The following NACC2 variants were observed in gnomAD, a reference collection of about 807,000 sequenced individuals.
NACC2 encodes NACC family member 2.
A neutral mutation model predicts 25.1 loss-of-function variants in NACC2; 8 were observed. That is an observed-to-expected ratio of 0.32 (90% confidence interval 0.19 to 0.57). The LOEUF is 0.57. Ranked by LOEUF, NACC2 falls within the 20% of genes least tolerant of loss-of-function variation. The probability of loss-of-function intolerance (pLI) is 0.89; values close to 1 mark genes in which losing one functional copy is unlikely to be tolerated. For missense variants in NACC2, 644 were observed against 650.2 expected, an observed-to-expected ratio of 0.99 and a Z score of 0.10; for synonymous variants, 435 against 294.7, an observed-to-expected ratio of 1.48 and a Z score of -4.88.
intron 1 of NACC2, among the ~76,000 whole-genome samples, chr9:136,072,025 G>A (rs1841160041): frequency 1.3e-5 from 2 of 152,220 alleles, no homozygotes; most frequent in South Asian, 2.1e-4. Flanking sequence ...ATCACCTGAG[G>A]TCAGGAGTTT....
At position 136,011,584 on chromosome 9, in the gene NACC2, G is replaced by C. The variant is rs866103118; in HGVS notation, c.1696C>G (p.Pro566Ala). 2.9e-6 allele frequency: 4 copies of C among 1,402,730 alleles called. No individual in the cohort carries two copies. In the Middle Eastern group the frequency reaches 7.1e-4, roughly 249 times the overall value. 86.9% of individuals were successfully genotyped at this position (1,402,730 alleles called of 1,614,324 possible). The change falls in exon 6 of 6, where the codon CCC becomes GCC. Residue 566 changes from proline to alanine, a missense_variant. Coordinates refer to ENST00000277554, the MANE Select transcript of NACC2 (RefSeq NM_144653.5). ...PQPFEQGGGG[P>A]SRPQTPAAAA... ...GCCGCCGGCGTCTGGGGCCTGCTGG[G>C]GCCGCCCCCGCCCTGCTCAAAGGGC...
chr9:136,057,772 CCT>C (rs1241636549), intron 1 of NACC2, among the ~76,000 whole-genome samples: 7 of 152,318 alleles, frequency 4.6e-5, no homozygotes, highest in Admixed American at 2.0e-4. Context: ...TCGCTCACCC[CCT>C]CTCTTGATGG....
intron 2 of NACC2, among the ~76,000 whole-genome samples, chr9:136,031,078 G>C (rs1840466026): frequency 6.6e-6 from 1 of 152,098 alleles, no homozygotes; most frequent in Non-Finnish European, 1.5e-5. Context: ...AGAAAATGAA[G>C]CTAAATAAAT....
Position 136,049,896 on chromosome 9 carries a change from A to ACCGCAGCCC in NACC2, c.617_625dup (p.Gly206_Ala208dup), listed in dbSNP as rs1202872358. ...TTTGAGAGGGGCTGTGCCCGCCGCC[A>ACCGCAGCCC]CCGCAGCCCCCGCGGCCACCGCCAC... On this transcript the variant is annotated inframe_insertion, in exon 2 of 6. Transcript: ENST00000277554. The ACCGCAGCCC allele has an allele frequency of 2.1e-5, 12 of 585,030 alleles. No individual in the cohort carries two copies. Among genetic ancestry groups the ACCGCAGCCC allele is most frequent in the Non-Finnish European group, 3.7e-5 (12 of 325,050 alleles). The allele number at this position is 585,030 out of a possible 1,614,324, so 36.2% of individuals were successfully genotyped here.
intron 1 of NACC2, among the ~76,000 whole-genome samples, chr9:136,067,898 G>C (rs1488606026): frequency 1.3e-5 from 2 of 152,234 alleles, no homozygotes; most frequent in Non-Finnish European, 1.5e-5. Flanking sequence ...ATATGGCATA[G>C]CCTAGTGCTC....
Position 136,059,926 on chromosome 9 carries a change from A to G in NACC2, c.-59-9346T>C, listed in dbSNP as rs572234706. Among the ~76,000 whole-genome samples, 586 of 152,352 alleles carry G rather than the reference A, an allele frequency of 3.8e-3. 3 individuals carry two copies. The highest frequency in any genetic ancestry group is 0.013 in the African/African-American group (542 of 41,582). On this transcript the variant is annotated intron_variant, in intron 1 of 5. Transcript: ENST00000277554. ...GACCCACCCCGATGTCCTGACCAGC[A>G]GAGAGGGGCCGCACCCTGTCCCCTC... is the stretch of plus-strand genomic sequence containing the variant.
chr9:136,046,839 G>C (rs1840733031), intron 2 of NACC2, among the ~76,000 whole-genome samples: 2 of 152,196 alleles, frequency 1.3e-5, no homozygotes, highest in Non-Finnish European at 2.9e-5. Context: ...AGACCATGGG[G>C]CGGGGGCTGT....
intron 1 of NACC2, among the ~76,000 whole-genome samples, chr9:136,057,363 C>G (rs981975533): frequency 6.6e-6 from 1 of 152,142 alleles, no homozygotes. Context: ...GAGAATGACT[C>G]GAAGGGTGGG....
intron 2 of NACC2, among the ~76,000 whole-genome samples, chr9:136,042,675 CACAGACAT>C (rs1468591799): frequency 2.6e-5 from 4 of 151,714 alleles, no homozygotes; most frequent in Non-Finnish European, 4.4e-5. Flanking sequence ...CACACAGACA[CACAGACAT>C]ACACACACAG....
chr9:136,044,849 C>A (rs1030401229), intron 2 of NACC2, among the ~76,000 whole-genome samples: 1 of 152,196 alleles, frequency 6.6e-6, no homozygotes, highest in Admixed American at 6.5e-5. Context: ...TAGCCAGCAG[C>A]CCTGGCCACC....
chr9:136,094,116 C>T (rs533645843), intron 1 of NACC2, among the ~76,000 whole-genome samples: 22 of 152,292 alleles, frequency 1.4e-4, no homozygotes, highest in Non-Finnish European at 2.2e-4. Flanking sequence ...TGGGCACCCC[C>T]GGGTCAGCAC....
chr9:136,067,047 T>TC (rs1841093169), intron 1 of NACC2, among the ~76,000 whole-genome samples: 1 of 151,692 alleles, frequency 6.6e-6, no homozygotes, highest in Non-Finnish European at 1.5e-5. Context: ...GGTCGGGAGT[T>TC]CGAGACCAGC....
At position 136,020,453 on chromosome 9, in the gene NACC2, C is replaced by T. The variant is rs1307498636; in HGVS notation, c.887-4024G>A. 2.0e-5 allele frequency among the ~76,000 whole-genome samples: 3 copies of T among 152,188 alleles called. No individual in the cohort carries two copies. Among genetic ancestry groups the T allele is most frequent in the Non-Finnish European group, 4.4e-5 (3 of 68,032 alleles). The stretch of plus-strand genomic sequence containing the variant: ...GCCCAGGTGACACCATCAGAGACCA[C>T]GCAGGCAGCCCCACCAGGGGAGTCT... On this transcript the variant is annotated intron_variant, in intron 2 of 5. Coordinates refer to ENST00000277554, the MANE Select transcript of NACC2 (RefSeq NM_144653.5). The surrounding 1 kb of genome is among the most constrained non-coding windows in gnomAD (Gnocchi z 4.7).
chr9:136,020,980 G>A lies in NACC2; in HGVS notation c.887-4551C>T, dbSNP rs1840282788. ...GAAGGTCTTTATGAGCTTAGGTTAA[G>A]CTAAAGTCTTAGACAAGGCCCCCAA... On this transcript the variant is annotated intron_variant, in intron 2 of 5. Coordinates refer to ENST00000277554, the MANE Select transcript of NACC2 (RefSeq NM_144653.5). The surrounding 1 kb of genome is among the most constrained non-coding windows in gnomAD (Gnocchi z 4.7). 6.6e-6 allele frequency among the ~76,000 whole-genome samples: 1 copy of A among 152,108 alleles called. No homozygotes were observed. Among genetic ancestry groups the A allele is most frequent in the African/African-American group, 2.4e-5 (1 of 41,420 alleles).
intron 2 of NACC2, among the ~76,000 whole-genome samples, chr9:136,024,533 GGAC>G (rs1258062300): frequency 1.1e-3 from 114 of 106,678 alleles, no homozygotes; most frequent in South Asian, 2.8e-3. Context: ...GTGTGTGTGT[GGAC>G]AGTGTGTGTG....
At chr9:136,026,506 GA>G (rs1840392404) in intron 2 of NACC2, among the ~76,000 whole-genome samples, 1 of 152,066 alleles carries the variant, frequency 6.6e-6, no homozygotes, top group African/African-American at 2.4e-5. Flanking sequence ...GAGACAGACT[GA>G]GGGGTCCCCA....
At chr9:136,015,850 C>A (rs535661555) in intron 3 of NACC2, among the ~76,000 whole-genome samples, 3 of 152,342 alleles carry the variant, frequency 2.0e-5, no homozygotes, top group Non-Finnish European at 2.9e-5. Flanking sequence ...CCGGCCCCCA[C>A]GGGCTTCTGG....
rs1403461633 is a variant in NACC2 at position 136,023,383 on chromosome 9, GT to G, written c.887-6955del. Among the ~76,000 whole-genome samples, 3 of 152,194 alleles carry G rather than the reference GT, an allele frequency of 2.0e-5. No homozygotes were observed. In the East Asian group the frequency reaches 5.9e-4, roughly 30 times the overall value. On this transcript the variant is annotated intron_variant, in intron 2 of 5. Coordinates refer to ENST00000277554, the MANE Select transcript of NACC2 (RefSeq NM_144653.5). ...CTCTCGGAGAACGTGGGATCCCCGA[GT>G]GAGTGGGACCCTCTGGGCTTCTCGA...
At position 136,086,049 on chromosome 9, in the gene NACC2, C is replaced by T. The variant is rs1169702688; in HGVS notation, c.-60+9140G>A. Among the ~76,000 whole-genome samples the T allele has an allele frequency of 1.3e-5, 2 of 152,214 alleles. No individual in the cohort carries two copies. The highest frequency in any genetic ancestry group is 3.4e-3 in the Middle Eastern group (1 of 294). On this transcript the variant is annotated intron_variant, in intron 1 of 5. Transcript: ENST00000277554. The surrounding 1 kb of genome is among the most constrained non-coding windows in gnomAD (Gnocchi z 5.6). ...GGAGGGGTTGGCAGAGCCCGGAGTC[C>T]GGGCGCCACGCAGGGCAGCTCCGAC...
Sources: allele counts gnomAD v4.1 joint callset (sites outside exome capture counted in the v4.1 genomes callset), GRCh38; gene constraint gnomAD v4.1.1; non-coding constraint Gnocchi (gnomAD v3.1); transcripts MANE v1.5; gene names NCBI Gene and HGNC (gene_info 2026-07-23, HGNC 2026-07-21).